The following MYO9A variants were observed in gnomAD, a reference collection of about 807,000 sequenced individuals.
MYO9A encodes the protein unconventional myosin-IXa.
Under a neutral mutation model 293.3 loss-of-function variants are expected in MYO9A, and 103 were observed. That is an observed-to-expected ratio of 0.35 (90% CI 0.30 to 0.41). MYO9A has a LOEUF of 0.41. MYO9A is among the 10% of genes least tolerant of loss of function. The pLI is 1.00. For synonymous variants in MYO9A, 1,001 were observed against 1,035.7 expected (o/e 0.97, Z 0.64); for missense variants, 2,685 against 3,033.0 (o/e 0.89, Z 2.69).
chr15:72,026,823 G>A (rs77917846), intron 4 of MYO9A, among the ~76,000 whole-genome samples: 3,660 of 152,150 alleles, frequency 0.024, 57 homozygotes, highest in Non-Finnish European at 0.035. Context: ...AACAAGTTTT[G>A]GCAACAAATT....
intron 6 of MYO9A, among the ~76,000 whole-genome samples, chr15:72,015,718 C>T (rs1472768473): frequency 2.2e-5 from 3 of 139,478 alleles, no homozygotes; most frequent in East Asian, 2.1e-4. Flanking sequence ...GACAGAGTCT[C>T]GCTCTGTCGC....
chr15:71,852,607 C>T (rs960239370), intron 35 of MYO9A, among the ~76,000 whole-genome samples: 1 of 152,150 alleles, frequency 6.6e-6, no homozygotes, highest in Non-Finnish European at 1.5e-5. Context: ...AGGTGATCCA[C>T]CTGCCTTGGC....
intron 20 of MYO9A, 74 bp downstream of exon 20, chr15:71,904,852 T>G: frequency 9.5e-7 from 1 of 1,050,580 alleles, no homozygotes; most frequent in East Asian, 2.5e-5. Flanking sequence ...CCTCCACTTA[T>G]TCTGCTTAAA....
chr15:72,045,585 T>G, intron 2 of MYO9A, 139 bp downstream of exon 2: 1 of 1,021,592 alleles, frequency 9.8e-7, no homozygotes, highest in South Asian at 2.1e-5. Context: ...TTTTTGGAGC[T>G]GGGAGATGGA....
chr15:71,942,853 T>C (rs1055517624), intron 15 of MYO9A, among the ~76,000 whole-genome samples: 1 of 152,036 alleles, frequency 6.6e-6, no homozygotes, highest in African/African-American at 2.4e-5. Flanking sequence ...TATATACATT[T>C]ACCAAGTTCT....
intron 4 of MYO9A, among the ~76,000 whole-genome samples, chr15:72,026,222 G>A (rs1399944526): frequency 8.5e-5 from 11 of 129,334 alleles, no homozygotes; most frequent in East Asian, 4.8e-4. Context: ...GCAGTGAGCC[G>A]AAATCTCACC....
chr15:72,027,266 C>G (rs2077702795), intron 4 of MYO9A, among the ~76,000 whole-genome samples: 2 of 152,206 alleles, frequency 1.3e-5, no homozygotes, highest in Admixed American at 1.3e-4. Context: ...CAAACCCTCT[C>G]TTAACCAAAT....
intron 39 of MYO9A, among the ~76,000 whole-genome samples, chr15:71,840,609 A>G (rs1056311230): frequency 2.6e-5 from 4 of 152,042 alleles, no homozygotes; most frequent in African/African-American, 7.2e-5. Flanking sequence ...TTCTTTTGTA[A>G]TATTTGAGGT....
At position 71,850,064 on chromosome 15, in the gene MYO9A, T is replaced by G. The variant is rs1197114466; in HGVS notation, c.6685A>C (p.Ser2229Arg). Residue 2229 changes from serine (S) to arginine (R), a missense_variant, in exon 38 of 42, where the codon AGT (serine) becomes CGT (arginine). By Grantham distance (110) the Ser-to-Arg change is moderately radical. Around this residue, in one of 10 missense-constraint regions of MYO9A, gnomAD observed 238 missense variants for 269.1 expected, o/e 0.88. Transcript: ENST00000356056. ...RCPDTTDPLQ[S>R]VQDISKTTTC... ...GTAGTCTTACTGATGTCCTGTACAC[T>G]TTGTAGTGGGTCAGTGGTGTCAGGG... 6.2e-7 allele frequency: 1 copy of G among 1,614,004 alleles called. No homozygotes were observed. Among genetic ancestry groups the G allele is most frequent in the East Asian group, 2.2e-5 (1 of 44,884 alleles).
At chr15:71,965,373 GA>G (rs1241085842) in intron 13 of MYO9A, among the ~76,000 whole-genome samples, 4 of 151,838 alleles carry the variant, frequency 2.6e-5, no homozygotes, top group African/African-American at 9.7e-5. Flanking sequence ...AAATATTGAA[GA>G]AAAAAATCTA....
intron 15 of MYO9A, among the ~76,000 whole-genome samples, chr15:71,947,748 C>T (rs2058954080): frequency 1.3e-5 from 2 of 152,146 alleles, no homozygotes; most frequent in Admixed American, 6.6e-5. Flanking sequence ...GCCCTCAGCC[C>T]TTCCCTGGCA....
intron 27 of MYO9A, among the ~76,000 whole-genome samples, chr15:71,884,209 G>T (rs2415127): frequency 1.5e-3 from 224 of 152,174 alleles, no homozygotes; most frequent in African/African-American, 4.7e-3. Context: ...GTTTACCTTT[G>T]TTTGTCATTT....
At chr15:72,063,312 G>C (rs1260211383) in intron 1 of MYO9A, among the ~76,000 whole-genome samples, 1 of 152,050 alleles carries the variant, frequency 6.6e-6, no homozygotes, top group Non-Finnish European at 1.5e-5. Flanking sequence ...GAAAACATTG[G>C]AGATCTCTCT....
intron 12 of MYO9A, among the ~76,000 whole-genome samples, chr15:71,973,443 G>A (rs1459303720): frequency 1.3e-5 from 2 of 152,124 alleles, no homozygotes; most frequent in African/African-American, 4.8e-5. Context: ...ATGCTACCGT[G>A]GAAAACATGT....
At chr15:71,961,185 C>G (rs2075730189) in intron 13 of MYO9A, among the ~76,000 whole-genome samples, 1 of 152,030 alleles carries the variant, frequency 6.6e-6, no homozygotes, top group African/African-American at 2.4e-5. Flanking sequence ...TGGACTTGGT[C>G]AGTTGTAACA....
intron 1 of MYO9A, among the ~76,000 whole-genome samples, chr15:72,065,788 G>A (rs768860152): frequency 2.0e-5 from 3 of 152,068 alleles, no homozygotes; most frequent in Non-Finnish European, 4.4e-5. Flanking sequence ...ATGAGCAAAA[G>A]ACTTAAACAG....
chr15:71,983,143 T>C (rs1205746648), intron 11 of MYO9A, among the ~76,000 whole-genome samples: 1 of 152,158 alleles, frequency 6.6e-6, no homozygotes, highest in Non-Finnish European at 1.5e-5. Flanking sequence ...TCACTAATAT[T>C]TGTGAGATTA....
intron 2 of MYO9A, among the ~76,000 whole-genome samples, chr15:72,035,841 A>G (rs2078030381): frequency 6.6e-6 from 1 of 152,004 alleles, no homozygotes; most frequent in African/African-American, 2.4e-5. Flanking sequence ...ATAGGACTCT[A>G]TGTATATGAC....
At chr15:71,851,820 A>G (rs181961050) in intron 36 of MYO9A, among the ~76,000 whole-genome samples, 244 of 152,350 alleles carry the variant, frequency 1.6e-3, no homozygotes, top group African/African-American at 5.7e-3. Flanking sequence ...TTAAATGAAC[A>G]TAAGCCTAAT....
Sources: gnomAD v4.1 joint callset for allele counts (sites outside exome capture counted in the v4.1 genomes callset) on GRCh38, gnomAD v4.1.1 for gene constraint, gnomAD v4.1.1 regional missense constraint, MANE v1.5 for transcripts, NCBI Gene and HGNC (gene_info 2026-07-23, HGNC 2026-07-21) for gene names.